The following RNFT2 variants were observed in gnomAD, a reference collection of about 807,000 sequenced individuals.
RNFT2 encodes ring finger protein, transmembrane 2.
Under a neutral mutation model 53.0 loss-of-function variants are expected in RNFT2, and 36 were observed. The ratio of observed to expected loss-of-function variants is 0.68; its 90% confidence interval spans 0.52 to 0.90. The LOEUF is 0.90. RNFT2 is among the 40% of genes least tolerant of loss of function. The pLI is 0.00. For missense variants in RNFT2, 514 were observed against 585.6 expected (o/e 0.88, Z 1.26); for synonymous variants, 260 against 253.2 (o/e 1.03, Z -0.26).
At chr12:116,817,497 G>C (rs571920909) in intron 7 of RNFT2, among the ~76,000 whole-genome samples, 3 of 152,276 alleles carry the variant, frequency 2.0e-5, no homozygotes, top group African/African-American at 7.2e-5. Flanking sequence ...TTAAAGGTGA[G>C]AGCATAAGCT....
chr12:116,749,799 A>G (rs748833053), intron 3 of RNFT2, 42 bp from the exon 4 acceptor site: 57 of 1,534,122 alleles, frequency 3.7e-5, no homozygotes, highest in Middle Eastern at 3.4e-4. Context: ...GGTCTTTTCC[A>G]TCTGCCTGAC....
At chr12:116,774,088 TA>T (rs1252760643) in intron 6 of RNFT2, among the ~76,000 whole-genome samples, 1 of 152,160 alleles carries the variant, frequency 6.6e-6, no homozygotes, top group Non-Finnish European at 1.5e-5. Context: ...ATGAAGTACC[TA>T]AAGTAGTCAG....
chr12:116,853,097 T>G lies in RNFT2; in HGVS notation c.*3649T>G. On this transcript the variant is annotated 3_prime_UTR_variant, in exon 11 of 11. Coordinates refer to ENST00000257575, the MANE Select transcript of RNFT2 (RefSeq NM_001382266.1). ...AGGTTTTCTTCTCGGTGGGGGGATT[T>G]AACTTCTGTCCTAGGGAAAACAGTG... 1 of 423,848 alleles carries G rather than the reference T, an allele frequency of 2.4e-6. No homozygotes were observed. Among genetic ancestry groups the G allele is most frequent in the Non-Finnish European group, 4.1e-6 (1 of 242,266 alleles). The allele number at this position is 423,848 out of a possible 1,614,324, so 26.3% of individuals were successfully genotyped here.
At position 116,750,144 on chromosome 12, in the gene RNFT2, C is replaced by A. The variant is rs778129696; in HGVS notation, c.387C>A (p.His129Gln). ...ACCGCGGGGGCTCCCTGCTGCAGCA[C>A]GTGGGTGGGGACCACCGGGGGCACT... The part of the protein sequence containing the change: ...GGHRGGSLLQ[H>Q]VGGDHRGHSE... Residue 129 changes from histidine to glutamine, a missense_variant, in exon 4 of 11, where the codon CAC (histidine) becomes CAA (glutamine). Physicochemically the swap from His to Gln is conservative, Grantham distance 24. This residue lies in a region of RNFT2 where 237 missense variants were observed against 235.1 expected (regional missense o/e 1.01). Coordinates refer to ENST00000257575, the MANE Select transcript of RNFT2 (RefSeq NM_001382266.1). 2.0e-5 allele frequency: 31 copies of A among 1,584,496 alleles called. No individual in the cohort carries two copies. Among genetic ancestry groups the A allele is most frequent in the Admixed American group, 1.7e-5 (1 of 57,232 alleles).
At chr12:116,818,939 T>A (rs1355125936) in intron 7 of RNFT2, among the ~76,000 whole-genome samples, 1 of 152,148 alleles carries the variant, frequency 6.6e-6, no homozygotes, top group East Asian at 1.9e-4. Flanking sequence ...AGGTTTGGGG[T>A]ACAGGTAAGG....
intron 10 of RNFT2, 23 bp from the exon 11 acceptor site, chr12:116,849,291 C>T (rs762154426): frequency 1.5e-4 from 225 of 1,516,798 alleles, no homozygotes; most frequent in Middle Eastern, 3.4e-4. Flanking sequence ...AGTCCTGGTG[C>T]CTGCTGATTG....
intron 7 of RNFT2, among the ~76,000 whole-genome samples, chr12:116,808,516 G>A (rs1169241008): frequency 5.9e-5 from 9 of 152,254 alleles, no homozygotes; most frequent in African/African-American, 2.2e-4. Context: ...GCAGGCACCT[G>A]GGATTTCCCA....
In RNFT2 at chr12:116,766,723, CA is replaced by C. The variant is rs754435808; in HGVS notation, c.628-88del. On this transcript the variant is annotated intron_variant, in intron 5 of 10. Coordinates refer to ENST00000257575, the MANE Select transcript of RNFT2 (RefSeq NM_001382266.1). ...AGCACCACTTCCTTCAAAATGTTGA[CA>C]AAGTGAAAAGCTGCCAGTCATCAGG... 1.9e-4 allele frequency: 183 copies of C among 977,302 alleles called. 1 individual carries two copies. Among genetic ancestry groups the C allele is most frequent in the Admixed American group, 3.5e-4 (17 of 48,110 alleles). 60.5% of individuals were successfully genotyped at this position (977,302 alleles called of 1,614,324 possible). A position where few individuals can be genotyped will look rare whatever the true frequency, so the allele number is the denominator to read the frequency against.
rs528319025 is a variant in RNFT2, at chr12:116,808,109, G to A, written c.883-25683G>A. Among the ~76,000 whole-genome samples the A allele has an allele frequency of 1.1e-3, 167 of 152,104 alleles. 1 individual carries two copies. The highest frequency in any genetic ancestry group is 2.0e-3 in the Non-Finnish European group (134 of 68,008). On this transcript the variant is annotated intron_variant, in intron 7 of 10. Transcript: ENST00000257575. ...CTCCCAAATAACTGGGATTACAGGC[G>A]CCCGCCACCATGCCCAGCTAATTTT...
At chr12:116,760,674 T>C (rs1333493600) in intron 5 of RNFT2, among the ~76,000 whole-genome samples, 1 of 152,154 alleles carries the variant, frequency 6.6e-6, no homozygotes, top group African/African-American at 2.4e-5. Context: ...AGTTGGGGCA[T>C]TCGCAGTTTT....
intron 7 of RNFT2, among the ~76,000 whole-genome samples, chr12:116,821,226 C>G (rs1008445737): frequency 6.6e-6 from 1 of 151,874 alleles, no homozygotes; most frequent in African/African-American, 2.4e-5. Context: ...TTTCTATCCA[C>G]TTCCCTCCTT....
At chr12:116,779,470 A>G (rs935634336) in intron 7 of RNFT2, 122 bp downstream of exon 7, 18 of 1,076,202 alleles carry the variant, frequency 1.7e-5, no homozygotes, top group Non-Finnish European at 2.4e-5. Flanking sequence ...TAAAATAAAC[A>G]GAGCCTGAGC....
chr12:116,782,094 A>AAAAAAAAAAAAAAAAAAAAAC (rs56234630), intron 7 of RNFT2: 1 of 149,104 alleles, frequency 6.7e-6, no homozygotes, highest in Admixed American at 6.7e-5. Flanking sequence ...AAAAAAAAAA[A>AAAAAAAAAAAAAAAAAAAAAC]TGTGGACATC....
chr12:116,778,187 A>G (rs574726681), intron 6 of RNFT2, among the ~76,000 whole-genome samples: 12 of 152,214 alleles, frequency 7.9e-5, no homozygotes, highest in Admixed American at 4.6e-4. Flanking sequence ...GTGGACCCAC[A>G]AAACTAGAGG....
In RNFT2 at chr12:116,806,094, A is replaced by G. The variant is rs530651608; in HGVS notation, c.882+26746A>G. Among the ~76,000 whole-genome samples, 17 of 152,258 alleles carry G rather than the reference A, an allele frequency of 1.1e-4. 1 individual carries two copies. In the South Asian group the frequency reaches 3.5e-3, roughly 32 times the overall value. ...GTTTTATCATGTTAACAAAGTATTC[A>G]TCTTGGCTGGGTGCTGAGGCTCATG... is the stretch of plus-strand genomic sequence containing the variant. On this transcript the variant is annotated intron_variant, in intron 7 of 10. Transcript: ENST00000257575.
chr12:116,806,236 G>A (rs1753003471), intron 7 of RNFT2, among the ~76,000 whole-genome samples: 1 of 151,820 alleles, frequency 6.6e-6, no homozygotes, highest in Admixed American at 6.6e-5. Context: ...CAGGCATGGT[G>A]GTGCATGCCT....
chr12:116,804,353 G>T (rs1874946137), intron 7 of RNFT2, among the ~76,000 whole-genome samples: 1 of 152,194 alleles, frequency 6.6e-6, no homozygotes, highest in Non-Finnish European at 1.5e-5. Context: ...GGTGGGGCCA[G>T]CAGTCTGTGC....
At chr12:116,815,649 TC>T (rs919888444) in intron 7 of RNFT2, among the ~76,000 whole-genome samples, 63 of 152,234 alleles carry the variant, frequency 4.1e-4, no homozygotes, top group African/African-American at 1.4e-3. Context: ...TGGGATAATC[TC>T]CCCATCTCAG....
chr12:116,802,528 G>A (rs1333215930), intron 7 of RNFT2, among the ~76,000 whole-genome samples: 2 of 152,094 alleles, frequency 1.3e-5, no homozygotes, highest in African/African-American at 2.4e-5. Flanking sequence ...AAAAAAGTCC[G>A]CTAAAACTGA....
Sources: gnomAD v4.1 joint callset for allele counts (sites outside exome capture counted in the v4.1 genomes callset) on GRCh38, gnomAD v4.1.1 for gene constraint, gnomAD v4.1.1 regional missense constraint, MANE v1.5 for transcripts, NCBI Gene and HGNC (gene_info 2026-07-23, HGNC 2026-07-21) for gene names.